LANCL3: variants seen among roughly 807,000 people sequenced by gnomAD.
LANCL3 encodes LanC like family member 3.
A neutral mutation model predicts 26.5 loss-of-function variants in LANCL3; 19 were observed. The observed-to-expected ratio is 0.72, with a 90% CI of 0.50 to 1.05. The LOEUF is 1.05. Among genes scored for constraint, LANCL3 ranks in the 50% least tolerant of loss-of-function variants. The pLI, the probability that LANCL3 is intolerant of heterozygous loss-of-function variation, is 0.00. For missense variants in LANCL3, 318 were observed against 362.7 expected (o/e 0.88, Z 1.00); for synonymous variants, 160 against 166.6 (o/e 0.96, Z 0.30).
chrX:37,617,468 T>C (rs1925040279), intron 1 of LANCL3, among the ~76,000 whole-genome samples: 1 of 111,250 alleles, frequency 9.0e-6, no homozygotes, highest in Non-Finnish European at 1.9e-5. Flanking sequence ...CATATTCAAA[T>C]GCAAGAAGCA....
At chrX:37,636,090 T>C (rs1430838280) in intron 1 of LANCL3, among the ~76,000 whole-genome samples, 1 of 111,357 alleles carries the variant, frequency 9.0e-6, no homozygotes, top group Non-Finnish European at 1.9e-5. Context: ...CTAGTTCACT[T>C]AGGATAATGG....
intron 1 of LANCL3, among the ~76,000 whole-genome samples, chrX:37,632,910 G>T (rs782129474): frequency 9.0e-6 from 1 of 111,145 alleles, no homozygotes; most frequent in African/African-American, 3.3e-5. Context: ...TTCAACTTTG[G>T]TGAATCTGAC....
chrX:37,631,234 T>C (rs1925496950), intron 1 of LANCL3, among the ~76,000 whole-genome samples: 2 of 112,132 alleles, frequency 1.8e-5, no homozygotes, highest in South Asian at 7.4e-4. Context: ...CTAGTTTATT[T>C]GTGTAGAGGT....
intron 1 of LANCL3, among the ~76,000 whole-genome samples, chrX:37,612,159 C>T (rs1190599185): frequency 2.7e-5 from 3 of 111,183 alleles, no homozygotes; most frequent in African/African-American, 6.5e-5. Context: ...GCAGGCTGGT[C>T]TCGAACTCCT....
intron 1 of LANCL3, among the ~76,000 whole-genome samples, chrX:37,610,589 C>T (rs181774986): frequency 8.9e-6 from 1 of 111,881 alleles, no homozygotes; most frequent in African/African-American, 3.2e-5. Context: ...ATGCTTGGCC[C>T]TTACTACAAG....
intron 1 of LANCL3, among the ~76,000 whole-genome samples, chrX:37,645,866 G>C (rs1377045927): frequency 1.8e-5 from 2 of 111,804 alleles, no homozygotes; most frequent in African/African-American, 6.5e-5. Flanking sequence ...TAGAATCTTT[G>C]TTTTTTATCA....
chrX:37,583,847 A>G (rs1203803146), intron 1 of LANCL3, among the ~76,000 whole-genome samples: 2 of 111,780 alleles, frequency 1.8e-5, no homozygotes, highest in African/African-American at 6.5e-5. Context: ...AGAACTTCCA[A>G]TACTGTGTTG....
At chrX:37,627,952 G>A (rs1159866117) in intron 1 of LANCL3, among the ~76,000 whole-genome samples, 1 of 111,671 alleles carries the variant, frequency 9.0e-6, no homozygotes, top group East Asian at 2.8e-4. Context: ...GACTACCATA[G>A]TACGTTTAAT....
At chrX:37,607,265 A>G (rs192711861) in intron 1 of LANCL3, among the ~76,000 whole-genome samples, 1,980 of 112,125 alleles carry the variant, frequency 0.018, 50 homozygotes, top group African/African-American at 0.061. Context: ...AAGCTCTTCC[A>G]TTTACCTAGT....
intron 3 of LANCL3, among the ~76,000 whole-genome samples, chrX:37,662,414 C>T (rs1199051107): frequency 2.7e-5 from 3 of 111,979 alleles, no homozygotes; most frequent in African/African-American, 9.7e-5. Context: ...TTTAAAAAAA[C>T]TCATTTCATA....
chrX:37,578,123 A>G (rs1556416610), intron 1 of LANCL3, among the ~76,000 whole-genome samples: 1 of 111,945 alleles, frequency 8.9e-6, no homozygotes. Flanking sequence ...TTGCAAACAT[A>G]GTGTTCCCCT....
At chrX:37,614,506 C>T (rs1351521986) in intron 1 of LANCL3, among the ~76,000 whole-genome samples, 2 of 112,150 alleles carry the variant, frequency 1.8e-5, no homozygotes, top group Non-Finnish European at 3.8e-5. Flanking sequence ...AGATGAGACT[C>T]TTGAATGTTG....
intron 1 of LANCL3, among the ~76,000 whole-genome samples, chrX:37,581,204 A>T (rs371708584): frequency 1.9e-4 from 21 of 111,902 alleles, no homozygotes; most frequent in East Asian, 5.6e-4. Flanking sequence ...TGCAAACTTC[A>T]TGATTTTCAT....
At chrX:37,646,093 G>A (rs1377953545) in intron 1 of LANCL3, among the ~76,000 whole-genome samples, 3 of 112,482 alleles carry the variant, frequency 2.7e-5, no homozygotes, top group African/African-American at 9.7e-5. Context: ...ACTACTTTTA[G>A]GATTTAAATG....
intron 1 of LANCL3, among the ~76,000 whole-genome samples, chrX:37,588,618 G>A (rs1477452541): frequency 2.7e-5 from 3 of 111,845 alleles, no homozygotes; most frequent in African/African-American, 9.8e-5. Context: ...AGAAGTATTT[G>A]ATCTTTCTTT....
chrX:37,603,199 C>G (rs185505859), intron 1 of LANCL3, among the ~76,000 whole-genome samples: 22 of 112,031 alleles, frequency 2.0e-4, no homozygotes, highest in African/African-American at 6.8e-4. Context: ...TAACTTGTGC[C>G]AGGATCTAAA....
intron 1 of LANCL3, among the ~76,000 whole-genome samples, chrX:37,636,801 GT>G (rs1556425398): frequency 8.9e-6 from 1 of 111,884 alleles, no homozygotes; most frequent in Non-Finnish European, 1.9e-5. Context: ...TTTGCACTTG[GT>G]TACTTAAACA....
At chrX:37,637,178 A>AC (rs1925730321) in intron 1 of LANCL3, among the ~76,000 whole-genome samples, 4 of 111,912 alleles carry the variant, frequency 3.6e-5, no homozygotes, top group Admixed American at 2.8e-4. Context: ...TGAAAAAGGA[A>AC]TTAAGTGTGC....
intron 1 of LANCL3, among the ~76,000 whole-genome samples, chrX:37,632,341 G>A (rs1436612174): frequency 2.7e-5 from 3 of 111,520 alleles, no homozygotes; most frequent in Non-Finnish European, 5.6e-5. Flanking sequence ...TTGAGCCTAT[G>A]TGTGTCTCTG....
Sources: allele counts gnomAD v4.1 joint callset (sites outside exome capture counted in the v4.1 genomes callset), GRCh38; gene constraint gnomAD v4.1.1; transcripts MANE v1.5; gene names NCBI Gene and HGNC (gene_info 2026-07-23, HGNC 2026-07-21).